The following SYT14 variants were observed in gnomAD, a reference collection of about 807,000 sequenced individuals.
The protein encoded by SYT14 is synaptotagmin-14.
In SYT14, 32 loss-of-function variants were observed where a neutral mutation model predicts 74.2. The ratio of observed to expected loss-of-function variants is 0.43; its 90% CI spans 0.33 to 0.58. SYT14 has a LOEUF of 0.58. Ranked by LOEUF, SYT14 falls within the 20% of genes least tolerant of loss-of-function variation. The pLI, the probability that SYT14 is intolerant of heterozygous loss-of-function variation, is 0.05. For missense variants in SYT14, 791 were observed against 981.8 expected, an observed-to-expected ratio of 0.81 and a Z score of 2.60; for synonymous variants, 298 against 337.7, an observed-to-expected ratio of 0.88 and a Z score of 1.29.
chr1:210,128,782 T>G (rs552087144), intron 7 of SYT14, among the ~76,000 whole-genome samples: 1 of 152,328 alleles, frequency 6.6e-6, no homozygotes, highest in East Asian at 1.9e-4. Flanking sequence ...GGAATCTATT[T>G]TAAACAAATT....
intron 5 of SYT14, among the ~76,000 whole-genome samples, chr1:210,029,027 G>A (rs963915872): frequency 2.6e-5 from 4 of 152,028 alleles, no homozygotes; most frequent in South Asian, 2.1e-4. Context: ...AATTATTAGC[G>A]ACACTGAACA....
chr1:210,024,951 A>G (rs1160691381), intron 5 of SYT14, among the ~76,000 whole-genome samples: 1 of 151,014 alleles, frequency 6.6e-6, no homozygotes, highest in Admixed American at 6.6e-5. Flanking sequence ...ATTTTCAATT[A>G]GAGTTTTAGG....
At chr1:210,164,205 T>C in exon 10 of SYT14, 1 of 342,576 alleles carries the variant, frequency 2.9e-6, no homozygotes. Context: ...TGAAATCCAT[T>C]TGCATATTAT....
chr1:210,137,741 C>T (rs796861039), intron 7 of SYT14, among the ~76,000 whole-genome samples: 29 of 146,120 alleles, frequency 2.0e-4, no homozygotes, highest in African/African-American at 5.5e-4. Flanking sequence ...AGTGCGGTGG[C>T]GCAATCTCAC....
chr1:210,101,700 A>G (rs1361304445), intron 7 of SYT14, among the ~76,000 whole-genome samples: 2 of 151,986 alleles, frequency 1.3e-5, no homozygotes, highest in Admixed American at 6.6e-5. Flanking sequence ...GGAGGGGGGA[A>G]GAACGAATTT....
chr1:210,148,508 CAA>C (rs11295049), intron 7 of SYT14, among the ~76,000 whole-genome samples: 104 of 127,428 alleles, frequency 8.2e-4, no homozygotes, highest in South Asian at 3.1e-3. Context: ...AACTCCGTCT[CAA>C]AAAAAAAAAA....
At chr1:210,167,988 A>G (rs1355575136) in exon 10 of SYT14, 2 of 152,438 alleles carry the variant, frequency 1.3e-5, no homozygotes, top group African/African-American at 2.4e-5. Flanking sequence ...GGGAGGACCA[A>G]ATAGGCTTTC....
rs183645090 is a variant in SYT14, at chr1:210,020,933, A to G, written c.1097-106A>G. On this transcript the variant is annotated intron_variant, in intron 4 of 9. Transcript: ENST00000637265. The stretch of plus-strand genomic sequence containing the variant: ...TATATATAACTTCAGCAAATTTTCT[A>G]TACTTTATTGTGTAAAAATTATCAT... 388 of 906,868 alleles carry G rather than the reference A, an allele frequency of 4.3e-4. No homozygotes were observed. In the African/African-American group the frequency reaches 5.2e-3, roughly 12 times the overall value. 56.2% of individuals were successfully genotyped at this position (906,868 alleles called of 1,614,324 possible).
intron 5 of SYT14, among the ~76,000 whole-genome samples, chr1:210,039,273 G>A (rs1420360162): frequency 6.6e-6 from 1 of 151,878 alleles, no homozygotes; most frequent in Non-Finnish European, 1.5e-5. Context: ...ACTCAGATTG[G>A]TGAGACACTG....
exon 10 of SYT14, chr1:210,168,431 G>A (rs993713591): frequency 6.6e-5 from 10 of 151,934 alleles, no homozygotes; most frequent in Non-Finnish European, 1.2e-4. Flanking sequence ...AAATATTGAA[G>A]ACTATTTTAA....
At chr1:210,046,222 A>G (rs1210201944) in intron 5 of SYT14, among the ~76,000 whole-genome samples, 1 of 152,064 alleles carries the variant, frequency 6.6e-6, no homozygotes. Context: ...AAAAGTACAA[A>G]AATTGGCTAG....
chr1:210,145,150 A>G (rs2083004664), intron 7 of SYT14, among the ~76,000 whole-genome samples: 1 of 152,214 alleles, frequency 6.6e-6, no homozygotes, highest in Non-Finnish European at 1.5e-5. Flanking sequence ...GATTGATTAT[A>G]ATAAAACATT....
chr1:210,099,973 T>G (rs1199996519), intron 6 of SYT14, 39 bp from the exon 6 acceptor site: 3 of 1,563,412 alleles, frequency 1.9e-6, no homozygotes, highest in East Asian at 4.5e-5. Flanking sequence ...GTTAAATAAT[T>G]GAGTTAAAAA....
At chr1:210,160,746 A>C in exon 10 of SYT14, 1 of 1,613,800 alleles carries the variant, frequency 6.2e-7, no homozygotes, top group Non-Finnish European at 8.5e-7. Context: ...TGTTAAGTTA[A>C]CTCTACTGAA....
chr1:210,169,422 T>C (rs2083498320), exon 10 of SYT14: 1 of 151,920 alleles, frequency 6.6e-6, no homozygotes. Flanking sequence ...TCTCTTAATA[T>C]TGAAGCATAT....
chr1:210,138,126 AGGCTG>A (rs1172809332), intron 7 of SYT14, among the ~76,000 whole-genome samples: 1 of 152,214 alleles, frequency 6.6e-6, no homozygotes, highest in Non-Finnish European at 1.5e-5. Flanking sequence ...AGACATACTG[AGGCTG>A]GGTAATTTAT....
At chr1:210,022,245 G>C (rs570798029) in intron 5 of SYT14, among the ~76,000 whole-genome samples, 32 of 152,204 alleles carry the variant, frequency 2.1e-4, no homozygotes, top group African/African-American at 7.5e-4. Context: ...GCTGTATTTG[G>C]CTTCATGCCA....
intron 8 of SYT14, 53 bp from the exon 8 acceptor site, chr1:210,159,368 C>T (rs1023327864): frequency 2.2e-5 from 34 of 1,511,814 alleles, no homozygotes; most frequent in Middle Eastern, 1.7e-4. Context: ...TTTCACCCAA[C>T]GATTGACATC....
chr1:210,078,580 A>G (rs750315654), intron 5 of SYT14, among the ~76,000 whole-genome samples: 6 of 152,050 alleles, frequency 3.9e-5, no homozygotes, highest in Non-Finnish European at 5.9e-5. Context: ...TTTAAAATGT[A>G]TTTATGGTGT....
Sources: gnomAD v4.1 joint callset for allele counts (sites outside exome capture counted in the v4.1 genomes callset) on GRCh38, gnomAD v4.1.1 for gene constraint, MANE v1.5 for transcripts, NCBI Gene and HGNC (gene_info 2026-07-23, HGNC 2026-07-21) for gene names.